DMAC2: variants seen among roughly 807,000 people sequenced by gnomAD.
DMAC2 encodes the protein distal membrane arm assembly component 2.
DMAC2 carries 32 observed loss-of-function variants against 29.6 expected under a neutral mutation model. The ratio of observed to expected loss-of-function variants is 1.08; its 90% CI spans 0.81 to 1.45. DMAC2 has a LOEUF of 1.45. Among genes scored for constraint, DMAC2 ranks in the 40% most tolerant of loss-of-function variants. The pLI is 0.00. For synonymous variants in DMAC2, 133 were observed against 137.4 expected, an observed-to-expected ratio of 0.97 and a Z score of 0.23; for missense variants, 319 against 340.0, an observed-to-expected ratio of 0.94 and a Z score of 0.49.
chr19:41,433,470 C>T, intron 4 of DMAC2, 36 bp from the exon 5 acceptor site: 1 of 1,612,454 alleles, frequency 6.2e-7, no homozygotes, highest in Non-Finnish European at 8.5e-7. Flanking sequence ...CACCAGGAGC[C>T]TTTCTGGAGC....
rs369998203 is a variant in DMAC2 at position 41,432,293 on chromosome 19, C to G, written c.712G>C (p.Glu238Gln). 7 of 1,614,064 alleles carry G rather than the reference C, an allele frequency of 4.3e-6. No individual in the cohort carries two copies. The highest frequency in any genetic ancestry group is 5.9e-6 in the Non-Finnish European group (7 of 1,180,026). Residue 238 changes from glutamate (E) to glutamine (Q), a missense_variant, in exon 6 of 6, where the codon GAG (glutamate) becomes CAG (glutamine). By Grantham distance (29) the Glu-to-Gln change is conservative. Transcript: ENST00000221943. ...TCCTCCGGCCCTGACTTCAGGCCCT[C>G]AGCCCAGTCGACTCCCACAACCTCG... is the stretch of plus-strand genomic sequence containing the variant. The part of the protein sequence containing the change: ...NCEVVGVDWA[E>Q]GLKSGPEEQP...
At chr19:41,435,456 G>C (rs907086640) in intron 3 of DMAC2, among the ~76,000 whole-genome samples, 3 of 152,142 alleles carry the variant, frequency 2.0e-5, no homozygotes, top group Non-Finnish European at 4.4e-5. Flanking sequence ...TTTTAGTGGA[G>C]ACAGGGTTTC....
intron 5 of DMAC2, chr19:41,432,880 G>A (rs1427129104): frequency 1.3e-5 from 7 of 530,548 alleles, no homozygotes; most frequent in African/African-American, 9.7e-5. Flanking sequence ...GTGTGTGTGT[G>A]TGCGTGCGTG....
At chr19:41,439,473 C>A in intron 1 of DMAC2, 1 of 1,536,772 alleles carries the variant, frequency 6.5e-7, no homozygotes, top group Middle Eastern at 1.7e-4. Flanking sequence ...ACTTTCCTTA[C>A]ATTCATCCTT....
rs1555770277 is a variant in DMAC2, at chr19:41,433,619, C to T, written c.351G>A (p.Glu117=). The T allele has an allele frequency of 1.7e-5, 28 of 1,614,214 alleles. No individual in the cohort carries two copies. Among genetic ancestry groups the T allele is most frequent in the Non-Finnish European group, 2.4e-5 (28 of 1,180,032 alleles). ...RPDKYGHFSQ[E]FWNFCEVPVE... ...CAGGCACTTCACAGAAATTCCAGAA[C>T]TCCTGAGAGAAATGGCCATACTTAT... The change falls in exon 4 of 6, where the codon GAG becomes GAA. Residue 117 remains glutamate (E), a synonymous_variant. Coordinates refer to ENST00000221943, the MANE Select transcript of DMAC2 (RefSeq NM_018035.3).
Position 41,436,436 on chromosome 19 carries a change from G to T in DMAC2, c.252C>A (p.Tyr84Ter), listed in dbSNP as rs373902389. ...TCAGGATGAAAAAGGCACCTGCGCC[G>T]TATGGACCATGTTGCTTCTCCAGCC... The part of the protein sequence containing the change: ...YTWLEKQHGP[Y>*]GAGAFFILKQ... Residue 84 changes from tyrosine to a stop codon, truncating the protein, a stop_gained, in exon 3 of 6, where the codon TAC becomes TAA. Coordinates refer to ENST00000221943, the MANE Select transcript of DMAC2 (RefSeq NM_018035.3). LOFTEE classifies it high-confidence loss of function. The T allele has an allele frequency of 4.3e-6, 7 of 1,614,006 alleles. No homozygotes were observed. Among genetic ancestry groups the T allele is most frequent in the Non-Finnish European group, 5.1e-6 (6 of 1,180,040 alleles).
chr19:41,436,439 T>A lies in DMAC2; in HGVS notation c.249A>T (p.Pro83=). 2 of 1,614,180 alleles carry A rather than the reference T, an allele frequency of 1.2e-6. No homozygotes were observed. Among genetic ancestry groups the A allele is most frequent in the Non-Finnish European group, 8.5e-7 (1 of 1,180,034 alleles). The change falls in exon 3 of 6, where the codon CCA becomes CCT. Residue 83 remains proline, a synonymous_variant. Transcript: ENST00000221943. ...SYTWLEKQHG[P]YGAGAFFILK... ...GGATGAAAAAGGCACCTGCGCCGTA[T>A]GGACCATGTTGCTTCTCCAGCCAGG...
At position 41,436,435 on chromosome 19, in the gene DMAC2, C is replaced by G. The variant is rs782625556; in HGVS notation, c.253G>C (p.Gly85Arg). Residue 85 changes from glycine to arginine, a missense_variant, in exon 3 of 6, where the codon GGC becomes CGC. Gly to Arg is a moderately radical substitution (Grantham distance 125). Transcript: ENST00000221943. Reference protein sequence around the residue: ...TWLEKQHGPYGAGAFFILKQG... With the variant: ...TWLEKQHGPYRAGAFFILKQG... ...TTCAGGATGAAAAAGGCACCTGCGC[C>G]GTATGGACCATGTTGCTTCTCCAGC... The G allele has an allele frequency of 2.5e-6, 4 of 1,614,148 alleles. No individual in the cohort carries two copies. Among genetic ancestry groups the G allele is most frequent in the Non-Finnish European group, 3.4e-6 (4 of 1,180,024 alleles).
Position 41,433,259 on chromosome 19 carries a change from G to A in DMAC2, c.596+13C>T. On this transcript the variant is annotated intron_variant, in intron 5 of 5. Coordinates refer to ENST00000221943, the MANE Select transcript of DMAC2 (RefSeq NM_018035.3). ...TGCCTGGGCATGTGGCCCAGCCTGAGCTGAGGTCTCACTGGAGGTGGTGGA... is the reference window on the plus strand; with the variant it reads ...TGCCTGGGCATGTGGCCCAGCCTGAACTGAGGTCTCACTGGAGGTGGTGGA... 5 of 1,602,910 alleles carry A rather than the reference G, an allele frequency of 3.1e-6. No individual in the cohort carries two copies. The highest frequency in any genetic ancestry group is 4.2e-6 in the Non-Finnish European group (5 of 1,176,570).
Position 41,438,238 on chromosome 19 carries a change from G to A in DMAC2, c.195C>T (p.Tyr65=). The A allele has an allele frequency of 1.9e-6, 3 of 1,614,138 alleles. No individual in the cohort carries two copies. The highest frequency in any genetic ancestry group is 2.5e-6 in the Non-Finnish European group (3 of 1,179,954). The change falls in exon 2 of 6, where the codon TAC becomes TAT. Residue 65 remains tyrosine (Y), a synonymous_variant. Coordinates refer to ENST00000221943, the MANE Select transcript of DMAC2 (RefSeq NM_018035.3). ...CTCACCGATTTTTCTCATGCACCTT[G>A]TACATCTCCCTTTGGAGCAAGTAAT... ...LRDYLLQREM[Y]KVHEKNRSYT... is the part of the protein sequence containing the mutation.
At chr19:41,432,651 A>AGTGTGT in intron 5 of DMAC2, 1 of 342,530 alleles carries the variant, frequency 2.9e-6, no homozygotes, top group South Asian at 2.7e-5. Context: ...GGTACAGGAC[A>AGTGTGT]GCGTGTGTGT....
Position 41,438,337 on chromosome 19 carries a change from C to T in DMAC2, c.96G>A (p.Glu32=), listed in dbSNP as rs1191800769. The change falls in exon 2 of 6, where the codon GAG becomes GAA. Residue 32 remains glutamate, a synonymous_variant. Coordinates refer to ENST00000221943, the MANE Select transcript of DMAC2 (RefSeq NM_018035.3). The stretch of plus-strand genomic sequence containing the variant: ...TTGTCCTTTTCTTCTTCTGATTGCC[C>T]TCTGGGGCCACTGCCGCACCCAGGC... ...IHRLGAAVAP[E]GNQKKKRTIL... 1.2e-6 allele frequency: 2 copies of T among 1,614,248 alleles called. No individual in the cohort carries two copies. Among genetic ancestry groups the T allele is most frequent in the Non-Finnish European group, 1.7e-6 (2 of 1,180,042 alleles).
At position 41,432,256 on chromosome 19, in the gene DMAC2, T is replaced by C. The variant is rs781992030; in HGVS notation, c.749A>G (p.Asp250Gly). The C allele has an allele frequency of 6.2e-7, 1 of 1,614,004 alleles. No individual in the cohort carries two copies. Among genetic ancestry groups the C allele is most frequent in the South Asian group, 1.1e-5 (1 of 91,086 alleles). Residue 250 changes from aspartate (D) to glycine (G), a missense_variant, in exon 6 of 6, where the codon GAC (aspartate) becomes GGC (glycine). Physicochemically the swap from Asp to Gly is moderately conservative, Grantham distance 94. Transcript: ENST00000221943. ...CTAGGCAGGGACAGGGCTGGCTGTG[T>C]CCCGAGGCTGCTCCTCCGGCCCTGA... Reference protein sequence around the residue: ...LKSGPEEQPRDTASPVPA With the variant: ...LKSGPEEQPRGTASPVPA
chr19:41,432,483 C>CGTGT (rs1555769357), intron 5 of DMAC2, 75 bp from the exon 6 acceptor site: 1 of 1,416,410 alleles, frequency 7.1e-7, no homozygotes. Context: ...TACAGGACAG[C>CGTGT]GTGTGCGTGT....
intron 2 of DMAC2, 110 bp from the exon 3 acceptor site, chr19:41,436,582 A>G: frequency 1.1e-6 from 1 of 875,046 alleles, no homozygotes; most frequent in Non-Finnish European, 1.9e-6. Context: ...ACACAGACAG[A>G]TTCAGTCAGG....
intron 5 of DMAC2, chr19:41,432,697 T>C (rs2039605632): frequency 6.9e-6 from 2 of 291,586 alleles, no homozygotes; most frequent in Admixed American, 6.8e-5. Context: ...TAAGCCAGTA[T>C]AAGGACAGCG....
rs543640492 is a variant in DMAC2, at chr19:41,433,400, C to A, written c.468G>T (p.Gln156His). The A allele has an allele frequency of 5.0e-6, 8 of 1,613,612 alleles. No individual in the cohort carries two copies. Among genetic ancestry groups the A allele is most frequent in the Non-Finnish European group, 6.8e-6 (8 of 1,179,866 alleles). ...RLKELQSLSL[Q>H]RCCHVDDWCL... ...ACCAGTCGTCCACGTGGCAGCAGCG[C>A]TGCAGCGACAAGGACTGGAGCTCCT... Residue 156 changes from glutamine (Q) to histidine (H), a missense_variant, in exon 5 of 6, where the codon CAG becomes CAT. Physicochemically the swap from Gln to His is conservative, Grantham distance 24. Coordinates refer to ENST00000221943, the MANE Select transcript of DMAC2 (RefSeq NM_018035.3).
chr19:41,433,507 C>T (rs2122213834), intron 4 of DMAC2, 30 bp downstream of exon 4: 1 of 1,614,122 alleles, frequency 6.2e-7, no homozygotes, highest in Non-Finnish European at 8.5e-7. Context: ...AACATAGAGG[C>T]CTGTCCCATC....
chr19:41,432,203 G>A lies in DMAC2; in HGVS notation c.*28C>T. On this transcript the variant is annotated 3_prime_UTR_variant, in exon 6 of 6. Coordinates refer to ENST00000221943, the MANE Select transcript of DMAC2 (RefSeq NM_018035.3). ...GACATTCCATGCAGCCCGCTGAGAA[G>A]CCACGTGAGTGGGGACAGGGCTAAA... 6.2e-7 allele frequency: 1 copy of A among 1,600,964 alleles called. No individual in the cohort carries two copies. Among genetic ancestry groups the A allele is most frequent in the Non-Finnish European group, 8.5e-7 (1 of 1,171,670 alleles).
Sources: gnomAD v4.1 joint callset for allele counts (sites outside exome capture counted in the v4.1 genomes callset) on GRCh38, gnomAD v4.1.1 for gene constraint, MANE v1.5 for transcripts, NCBI Gene and HGNC (gene_info 2026-07-23, HGNC 2026-07-21) for gene names.